The following AKR1C3 variants were observed in gnomAD, a reference collection of about 807,000 sequenced individuals.
AKR1C3 encodes the protein 3-alpha hydroxysteroid dehydrogenase, type II.
Under a neutral mutation model 43.6 loss-of-function variants are expected in AKR1C3, and 48 were observed. That is an observed-to-expected ratio of 1.10 (90% CI 0.87 to 1.40). The LOEUF (loss-of-function observed/expected upper bound fraction) is 1.40. Ranked by LOEUF, AKR1C3 falls within the 40% of genes most tolerant of loss-of-function variation. AKR1C3 has a pLI of 0.00. For synonymous variants in AKR1C3, 162 were observed against 139.6 expected (o/e 1.16, Z -1.13); for missense variants, 482 against 391.2 (o/e 1.23, Z -1.96).
chr10:5,061,581 G>A (rs1554780256), intron 1 of AKR1C3, among the ~76,000 whole-genome samples: 1 of 152,162 alleles, frequency 6.6e-6, no homozygotes, highest in Non-Finnish European at 1.5e-5. Flanking sequence ...AACATTTTGG[G>A]ATAATTATAT....
chr10:5,094,850 A>T, intron 1 of AKR1C3, among the ~76,000 whole-genome samples: 1 of 152,130 alleles, frequency 6.6e-6, no homozygotes, highest in East Asian at 1.9e-4. Flanking sequence ...TTGCAATAGG[A>T]GTGATTTCTC....
intron 1 of AKR1C3, among the ~76,000 whole-genome samples, chr10:5,063,339 C>T (rs1372416405): frequency 6.6e-6 from 1 of 151,964 alleles, no homozygotes; most frequent in Non-Finnish European, 1.5e-5. Context: ...TTTATTAAAT[C>T]GTATGTCATC....
chr10:5,101,961 AGGTT>A (rs1301888347), intron 5 of AKR1C3, 136 bp from the exon 6 acceptor site: 16 of 568,968 alleles, frequency 2.8e-5, no homozygotes, highest in African/African-American at 3.9e-5. Context: ...TCTATGAAAA[AGGTT>A]ATTACTTGAC....
At chr10:5,060,463 G>T (rs558410296) in intron 1 of AKR1C3, among the ~76,000 whole-genome samples, 1 of 152,156 alleles carries the variant, frequency 6.6e-6, no homozygotes, top group African/African-American at 2.4e-5. Flanking sequence ...ACAGAGTGTC[G>T]ATTGGTGCAT....
chr10:5,088,656 A>G (rs1302155303), intron 1 of AKR1C3, among the ~76,000 whole-genome samples: 1 of 151,486 alleles, frequency 6.6e-6, no homozygotes, highest in East Asian at 1.9e-4. Flanking sequence ...GCTTGCTGAC[A>G]TTGATATATC....
intron 1 of AKR1C3, among the ~76,000 whole-genome samples, chr10:5,051,892 C>T (rs908212824): frequency 1.7e-4 from 26 of 152,186 alleles, no homozygotes; most frequent in African/African-American, 6.0e-4. Flanking sequence ...TCTTTACCTA[C>T]TTTGGTCTCC....
intron 5 of AKR1C3, among the ~76,000 whole-genome samples, chr10:5,100,323 TG>T (rs1839317042): frequency 6.6e-6 from 1 of 152,184 alleles, no homozygotes; most frequent in Non-Finnish European, 1.5e-5. Context: ...TACCTGTTTA[TG>T]GAGGTAACTG....
At chr10:5,063,906 A>G (rs1215272369) in intron 1 of AKR1C3, among the ~76,000 whole-genome samples, 4 of 152,044 alleles carry the variant, frequency 2.6e-5, no homozygotes, top group Non-Finnish European at 4.4e-5. Flanking sequence ...TGGGGACATG[A>G]AAGCATGAAG....
chr10:5,102,745 C>A, intron 7 of AKR1C3, 95 bp downstream of exon 7: 1 of 1,500,066 alleles, frequency 6.7e-7, no homozygotes, highest in Non-Finnish European at 8.9e-7. Context: ...GGGCCAGCTC[C>A]ATTTCCCTGT....
At chr10:5,059,163 C>T (rs1035482986) in intron 1 of AKR1C3, among the ~76,000 whole-genome samples, 3 of 152,102 alleles carry the variant, frequency 2.0e-5, no homozygotes, top group Admixed American at 6.5e-5. Context: ...TATGATGGGG[C>T]TTTGGGCAAA....
chr10:5,093,797 C>T (rs1412712803), upstream of AKR1C3: 1 of 152,142 alleles, frequency 6.6e-6, no homozygotes, highest in African/African-American at 2.4e-5. Context: ...TTTGCACCCT[C>T]ATCAGGATTA....
chr10:5,107,400 C>T, intron 8 of AKR1C3, 61 bp from the exon 9 acceptor site: 1 of 1,221,118 alleles, frequency 8.2e-7, no homozygotes, highest in Non-Finnish European at 1.2e-6. Context: ...ATTGAAATCA[C>T]TTTACTACTC....
intron 5 of AKR1C3, among the ~76,000 whole-genome samples, chr10:5,101,846 T>C (rs1839358240): frequency 6.6e-6 from 1 of 152,188 alleles, no homozygotes; most frequent in Non-Finnish European, 1.5e-5. Context: ...TACATCTCCT[T>C]CTAGTTGTCA....
intron 8 of AKR1C3, among the ~76,000 whole-genome samples, chr10:5,106,478 C>T (rs1348874269): frequency 1.3e-5 from 2 of 152,052 alleles, no homozygotes; most frequent in African/African-American, 4.8e-5. Flanking sequence ...TGGCCGGGCG[C>T]AGTGGCTCAC....
At chr10:5,085,112 G>A (rs1446079675) in intron 1 of AKR1C3, among the ~76,000 whole-genome samples, 7 of 151,554 alleles carry the variant, frequency 4.6e-5, no homozygotes, top group African/African-American at 1.7e-4. Context: ...TTCCAACACT[G>A]TTGAATAGGA....
At chr10:5,089,420 T>C (rs186991390), upstream of AKR1C3, among the ~76,000 whole-genome samples, 1 of 152,288 alleles carries the variant, frequency 6.6e-6, no homozygotes, top group Non-Finnish European at 1.5e-5. Context: ...CCCATATTTC[T>C]CAAAGCCTTT....
At chr10:5,091,882 T>C (rs900834123), upstream of AKR1C3, among the ~76,000 whole-genome samples, 9 of 152,170 alleles carry the variant, frequency 5.9e-5, no homozygotes, top group Non-Finnish European at 8.8e-5. Context: ...TGTATACCTT[T>C]AGTAAAGGGC....
At chr10:5,087,961 C>T (rs1839008757) in intron 1 of AKR1C3, among the ~76,000 whole-genome samples, 1 of 152,132 alleles carries the variant, frequency 6.6e-6, no homozygotes, top group African/African-American at 2.4e-5. Context: ...GAGGGTTTAA[C>T]ACTATAAATT....
Position 5,104,714 on chromosome 10 carries a change from C to T in AKR1C3, c.847-881C>T, listed in dbSNP as rs1839455318. Reference sequence around the variant, plus strand: ...GAGACTTTCAACCTATGATGAATTTCCAACTATTTAAATGGCCTTTTAATA... The same window carrying T: ...GAGACTTTCAACCTATGATGAATTTTCAACTATTTAAATGGCCTTTTAATA... On this transcript the variant is annotated intron_variant, in intron 7 of 8. Coordinates refer to ENST00000380554, the MANE Select transcript of AKR1C3 (RefSeq NM_003739.6). Among the ~76,000 whole-genome samples, 3 of 152,010 alleles carry T rather than the reference C, an allele frequency of 2.0e-5. No homozygotes were observed. The South Asian group carries it at 6.2e-4, about 32-fold the overall frequency.
Sources: gnomAD v4.1 joint callset for allele counts (sites outside exome capture counted in the v4.1 genomes callset) on GRCh38, gnomAD v4.1.1 for gene constraint, MANE v1.5 for transcripts, NCBI Gene and HGNC (gene_info 2026-07-23, HGNC 2026-07-21) for gene names.